The following EVI5 variants were observed in gnomAD, a reference collection of about 807,000 sequenced individuals.
EVI5 encodes the protein ecotropic viral integration site 5.
In EVI5, 73 loss-of-function variants were observed where a neutral mutation model predicts 112.0. That is an observed-to-expected ratio of 0.65 (90% CI 0.54 to 0.79). The LOEUF is 0.79. Among genes scored for constraint, EVI5 ranks in the 30% least tolerant of loss-of-function variants. The probability of loss-of-function intolerance (pLI) is 0.00; values close to 1 mark genes in which losing one functional copy is unlikely to be tolerated. For missense variants in EVI5, 900 were observed against 968.8 expected, an observed-to-expected ratio of 0.93 and a Z score of 0.94; for synonymous variants, 305 against 319.9, an observed-to-expected ratio of 0.95 and a Z score of 0.50.
At chr1:92,730,366 A>G (rs1676248588) in intron 2 of EVI5, among the ~76,000 whole-genome samples, 1 of 152,042 alleles carries the variant, frequency 6.6e-6, no homozygotes, top group Non-Finnish European at 1.5e-5. Context: ...CTCTAAAAGA[A>G]AGAAAGAAGG....
At chr1:92,606,926 C>CTA (rs1557886818) in intron 17 of EVI5, among the ~76,000 whole-genome samples, 1 of 137,842 alleles carries the variant, frequency 7.3e-6, no homozygotes, top group African/African-American at 2.7e-5. Context: ...ACACACACCC[C>CTA]CCCAAACCCT....
intron 18 of EVI5, among the ~76,000 whole-genome samples, chr1:92,596,013 T>C (rs1304420681): frequency 6.6e-6 from 1 of 152,192 alleles, no homozygotes; most frequent in Non-Finnish European, 1.5e-5. Context: ...CAAAATCTCA[T>C]TTTAAAATTT....
chr1:92,534,637 A>G (rs1216512136), intron 19 of EVI5, among the ~76,000 whole-genome samples: 1 of 152,198 alleles, frequency 6.6e-6, no homozygotes, highest in Non-Finnish European at 1.5e-5. Context: ...CACATGTACA[A>G]CCATGTGATC....
chr1:92,718,899 C>A (rs1025565478), intron 2 of EVI5, among the ~76,000 whole-genome samples: 5 of 152,088 alleles, frequency 3.3e-5, no homozygotes, highest in Non-Finnish European at 1.5e-5. Flanking sequence ...AAACTACCGT[C>A]AGAGAATATA....
At chr1:92,756,848 C>T (rs569943398) in intron 1 of EVI5, 2 of 486,874 alleles carry the variant, frequency 4.1e-6, no homozygotes, top group African/African-American at 2.0e-5. Context: ...ATTGGGCTGT[C>T]CCTCACTGGC....
chr1:92,755,568 C>G (rs1276258650), intron 1 of EVI5, among the ~76,000 whole-genome samples: 1 of 152,196 alleles, frequency 6.6e-6, no homozygotes, highest in Non-Finnish European at 1.5e-5. Context: ...TGTCGATGGG[C>G]TGACTCAGAA....
At chr1:92,768,858 G>A (rs946794811) in intron 1 of EVI5, among the ~76,000 whole-genome samples, 13 of 152,100 alleles carry the variant, frequency 8.5e-5, no homozygotes, top group African/African-American at 2.4e-4. Flanking sequence ...TTGGGCGACC[G>A]GGCAAGACCC....
At chr1:92,780,414 G>T (rs1684712506) in intron 1 of EVI5, among the ~76,000 whole-genome samples, 1 of 150,354 alleles carries the variant, frequency 6.7e-6, no homozygotes, top group Admixed American at 6.7e-5. Context: ...ACAGAAGTGT[G>T]TTTGATGAAA....
intron 1 of EVI5, chr1:92,784,492 G>A: frequency 1.1e-6 from 1 of 941,652 alleles, no homozygotes. Flanking sequence ...TGGCCTCGAG[G>A]GTGGGGTGCA....
At chr1:92,748,018 A>G (rs541402761) in intron 1 of EVI5, among the ~76,000 whole-genome samples, 3 of 152,258 alleles carry the variant, frequency 2.0e-5, no homozygotes, top group East Asian at 3.9e-4. Context: ...ATAAAGTCAC[A>G]TTCTGAGGTA....
At chr1:92,742,156 G>C (rs1384900014) in intron 1 of EVI5, among the ~76,000 whole-genome samples, 2 of 151,918 alleles carry the variant, frequency 1.3e-5, no homozygotes, top group African/African-American at 4.8e-5. Context: ...CAAAGGATTT[G>C]AACAGACATT....
chr1:92,702,441 C>CATAAAATAAAATAAA (rs57227203), intron 4 of EVI5, among the ~76,000 whole-genome samples: 3,738 of 140,176 alleles, frequency 0.027, 92 homozygotes, highest in African/African-American at 0.052. Context: ...GCTCTAAAGA[C>CATAAAATAAAATAAA]ATAAAATAAA....
intron 13 of EVI5, among the ~76,000 whole-genome samples, chr1:92,657,915 A>C (rs764934313): frequency 6.6e-6 from 1 of 152,118 alleles, no homozygotes; most frequent in Non-Finnish European, 1.5e-5. Context: ...AGTCTTAAAC[A>C]ATCTGATTTC....
At chr1:92,763,447 A>G (rs1250953863) in intron 1 of EVI5, among the ~76,000 whole-genome samples, 2 of 152,098 alleles carry the variant, frequency 1.3e-5, no homozygotes, top group Admixed American at 6.5e-5. Context: ...CTGTAATCCT[A>G]GTGCTTTCGG....
At chr1:92,586,984 C>G (rs1298621278) in intron 18 of EVI5, among the ~76,000 whole-genome samples, 1 of 152,012 alleles carries the variant, frequency 6.6e-6, no homozygotes, top group Non-Finnish European at 1.5e-5. Flanking sequence ...AGAGTCCAAA[C>G]TCCCCTAATT....
At chr1:92,686,586 GA>G (rs938776014) in intron 9 of EVI5, among the ~76,000 whole-genome samples, 44 of 152,216 alleles carry the variant, frequency 2.9e-4, no homozygotes, top group African/African-American at 1.0e-3. Context: ...ATTCAGTTAG[GA>G]AAAGAGGAAG....
intron 18 of EVI5, among the ~76,000 whole-genome samples, chr1:92,589,562 T>G (rs1165252983): frequency 6.6e-6 from 1 of 151,950 alleles, no homozygotes; most frequent in African/African-American, 2.4e-5. Context: ...GCAGCGAGGC[T>G]GGGGGAGGGG....
In EVI5 at chr1:92,698,296, T is replaced by G. The variant is rs147963227; in HGVS notation, c.640-311A>C. 3.4e-4 allele frequency among the ~76,000 whole-genome samples: 52 copies of G among 152,234 alleles called. No individual in the cohort carries two copies. In the East Asian group the frequency reaches 9.4e-3, roughly 28 times the overall value. On this transcript the variant is annotated intron_variant, in intron 5 of 19. Coordinates refer to ENST00000684568, the MANE Select transcript of EVI5 (RefSeq NM_001350197.2). ...TCTGGGTATACACCAGTGAACAAAA[T>G]AAACACAATCTCTATTCTCAAGGAA... is the stretch of plus-strand genomic sequence containing the variant.
chr1:92,717,604 A>T (rs1673959924), intron 2 of EVI5, among the ~76,000 whole-genome samples: 1 of 152,254 alleles, frequency 6.6e-6, no homozygotes, highest in African/African-American at 2.4e-5. Context: ...CAAACTGTAA[A>T]GACCATCGAC....
Sources: allele counts gnomAD v4.1 joint callset (sites outside exome capture counted in the v4.1 genomes callset), GRCh38; gene constraint gnomAD v4.1.1; transcripts MANE v1.5; gene names NCBI Gene and HGNC (gene_info 2026-07-23, HGNC 2026-07-21).